The following SEC61A2 variants were observed in gnomAD, a reference collection of about 807,000 sequenced individuals.
SEC61A2 encodes the protein SEC61 translocon subunit alpha 2.
Under a neutral mutation model 59.9 loss-of-function variants are expected in SEC61A2, and 28 were observed. The observed-to-expected ratio is 0.47, with a 90% CI of 0.35 to 0.64. The LOEUF (loss-of-function observed/expected upper bound fraction) is 0.64, where lower values mean the gene tolerates loss of function less well. Ranked by LOEUF, SEC61A2 falls within the 30% of genes least tolerant of loss-of-function variation. The pLI, the probability that SEC61A2 is intolerant of heterozygous loss-of-function variation, is 0.01. For missense variants in SEC61A2, 340 were observed against 585.9 expected (o/e 0.58, Z 4.33); for synonymous variants, 202 against 214.4 (o/e 0.94, Z 0.50).
Position 12,165,202 on chromosome 10 carries a change from T to C in SEC61A2, c.*748T>C. 1.0e-6 allele frequency: 1 copy of C among 985,420 alleles called. No homozygotes were observed. Among genetic ancestry groups the C allele is most frequent in the South Asian group, 4.7e-5 (1 of 21,288 alleles). 61.0% of individuals were successfully genotyped at this position (985,420 alleles called of 1,614,324 possible). ...TCAAGATTCTGGGCCCCGATTCTTT[T>C]CTGTTTAAATCCCTAAAGCAAAGAT... On this transcript the variant is annotated 3_prime_UTR_variant, in exon 12 of 12. Transcript: ENST00000298428.
intron 9 of SEC61A2, among the ~76,000 whole-genome samples, chr10:12,159,103 A>G (rs1026118643): frequency 2.0e-5 from 3 of 149,902 alleles, no homozygotes; most frequent in Non-Finnish European, 3.0e-5. Flanking sequence ...TCAGCCTCCC[A>G]AGTAGCTGGG....
At chr10:12,136,668 T>G (rs543224457) in intron 3 of SEC61A2, among the ~76,000 whole-genome samples, 11 of 152,146 alleles carry the variant, frequency 7.2e-5, no homozygotes, top group Non-Finnish European at 1.2e-4. Context: ...TTCACATTGT[T>G]GCCCAGGCTG....
At chr10:12,141,458 G>A (rs1323129617) in intron 3 of SEC61A2, among the ~76,000 whole-genome samples, 1 of 152,188 alleles carries the variant, frequency 6.6e-6, no homozygotes, top group Non-Finnish European at 1.5e-5. Flanking sequence ...GCCAAGTGCT[G>A]TATCCTAAAT....
At chr10:12,130,172 A>C (rs759185582) in intron 1 of SEC61A2, among the ~76,000 whole-genome samples, 1 of 152,146 alleles carries the variant, frequency 6.6e-6, no homozygotes, top group South Asian at 2.1e-4. Flanking sequence ...TGTTGCATTG[A>C]AGAAAGCTCC....
intron 1 of SEC61A2, among the ~76,000 whole-genome samples, chr10:12,131,348 G>C (rs968210911): frequency 6.6e-6 from 1 of 152,152 alleles, no homozygotes; most frequent in African/African-American, 2.4e-5. Flanking sequence ...AAGCCGCAGA[G>C]CCTAACTAAT....
chr10:12,149,188 T>C lies in SEC61A2; in HGVS notation c.221-407T>C, dbSNP rs6602566. Among the ~76,000 whole-genome samples, 131,362 of 151,994 alleles carry C rather than the reference T, an allele frequency of 0.86. 57,443 individuals are homozygous for C. The highest frequency in any genetic ancestry group is 0.96 in the Middle Eastern group (283 of 294). The stretch of plus-strand genomic sequence containing the variant: ...TACTGCAACCTCTGCCTTCCAGGTT[T>C]AAGCGATTCTCCTGCCTCAGACTCC... On this transcript the variant is annotated intron_variant, in intron 4 of 11. Coordinates refer to ENST00000298428, the MANE Select transcript of SEC61A2 (RefSeq NM_018144.4). The surrounding 1 kb of genome is among the most constrained non-coding windows in gnomAD (Gnocchi z 5.2).
chr10:12,157,819 C>G (rs1834439385), intron 8 of SEC61A2, 89 bp from the exon 9 acceptor site: 1 of 1,250,244 alleles, frequency 8.0e-7, no homozygotes, highest in Non-Finnish European at 1.2e-6. Flanking sequence ...CTTTTCATCC[C>G]CCGCACTGTT....
chr10:12,155,760 G>T lies in SEC61A2; in HGVS notation c.463-18G>T. The T allele has an allele frequency of 6.2e-7, 1 of 1,613,824 alleles. No homozygotes were observed. Among genetic ancestry groups the T allele is most frequent in the Non-Finnish European group, 8.5e-7 (1 of 1,179,748 alleles). ...AGTTTGTTCTTGCTTCCGCTTACTT[G>T]CATTTCTTTCCCCACAGTTGTTTGT... On this transcript the variant is annotated intron_variant, in intron 6 of 11. Transcript: ENST00000298428. The surrounding 1 kb of genome is among the most constrained non-coding windows in gnomAD (Gnocchi z 4.3).
rs561152526 is a variant in SEC61A2 at position 12,149,513 on chromosome 10, G to A, written c.221-82G>A. ...AATTTTCACGTGTGTTTCAGTTGAG[G>A]TAATTAGGGAGTGCGACACCTCTAA... On this transcript the variant is annotated intron_variant, in intron 4 of 11. Transcript: ENST00000298428. The surrounding 1 kb of genome is among the most constrained non-coding windows in gnomAD (Gnocchi z 5.2). The A allele has an allele frequency of 1.4e-5, 19 of 1,331,174 alleles. No individual in the cohort carries two copies. The African/African-American group carries it at 2.5e-4, about 18-fold the overall frequency. 82.5% of individuals were successfully genotyped at this position (1,331,174 alleles called of 1,614,324 possible). A position where few individuals can be genotyped will look rare whatever the true frequency, so the allele number is the denominator to read the frequency against.
In SEC61A2 at chr10:12,145,724, C is replaced by T. The variant is rs1028402652; in HGVS notation, c.220+2529C>T. On this transcript the variant is annotated intron_variant, in intron 4 of 11. Transcript: ENST00000298428. This position sits in a 1 kb window ranked among gnomAD's most constrained non-coding sequence, Gnocchi z 4.4. ...TCACGCTCGTGTGTGAGATGTGCCTCTCTCCAGCCTTGTTAGGATGTTGGA... is the reference window on the plus strand; with the variant it reads ...TCACGCTCGTGTGTGAGATGTGCCTTTCTCCAGCCTTGTTAGGATGTTGGA... Among the ~76,000 whole-genome samples, 2 of 152,196 alleles carry T rather than the reference C, an allele frequency of 1.3e-5. No individual in the cohort carries two copies. The highest frequency in any genetic ancestry group is 2.9e-5 in the Non-Finnish European group (2 of 68,040).
downstream of SEC61A2, chr10:12,169,387 C>T (rs74455383): frequency 1.6e-3 from 1,888 of 1,156,398 alleles, 19 homozygotes; most frequent in African/African-American, 0.027. The surrounding 1 kb of genome is among the most constrained non-coding windows in gnomAD (Gnocchi z 4.8). Flanking sequence ...CACGCACCTC[C>T]TCAGAGGGAG....
Position 12,162,001 on chromosome 10 carries a change from G to GT in SEC61A2, c.1168-210dup, listed in dbSNP as rs1264981394. ...AATCTTGTTTGGTAATTGAAGAAGGGTTGAGAAGCACCGGTTTCATATGGG... is the reference window on the plus strand; with the variant it reads ...AATCTTGTTTGGTAATTGAAGAAGGGTTTGAGAAGCACCGGTTTCATATGGG... On this transcript the variant is annotated intron_variant, in intron 10 of 11. Transcript: ENST00000298428. This position sits in a 1 kb window ranked among gnomAD's most constrained non-coding sequence, Gnocchi z 6.1. Among the ~76,000 whole-genome samples the GT allele has an allele frequency of 1.3e-5, 2 of 152,118 alleles. No individual in the cohort carries two copies. The highest frequency in any genetic ancestry group is 2.4e-5 in the African/African-American group (1 of 41,428).
In SEC61A2 at chr10:12,129,879, G is replaced by C. The variant is rs867611737; in HGVS notation, c.7+85G>C. 1 of 1,203,076 alleles carries C rather than the reference G, an allele frequency of 8.3e-7. No individual in the cohort carries two copies. Among genetic ancestry groups the C allele is most frequent in the East Asian group, 3.2e-5 (1 of 30,856 alleles). 74.5% of individuals were successfully genotyped at this position (1,203,076 alleles called of 1,614,324 possible). On this transcript the variant is annotated intron_variant, in intron 1 of 11. Transcript: ENST00000298428. The surrounding 1 kb of genome is among the most constrained non-coding windows in gnomAD (Gnocchi z 5.6). Reference sequence around the variant, plus strand: ...CGGGCGGTGGGGCTGGCGCTCGCTCGGAGTCGTGGGGGCCAGGGATGCGCG... The same window carrying C: ...CGGGCGGTGGGGCTGGCGCTCGCTCCGAGTCGTGGGGGCCAGGGATGCGCG...
chr10:12,166,570 C>T (rs1201544031), downstream of SEC61A2: 1 of 334,214 alleles, frequency 3.0e-6, no homozygotes, highest in Admixed American at 4.1e-5. Context: ...CTGCAGCATT[C>T]TGGCATTAGC....
rs1834067423 is a variant in SEC61A2, at chr10:12,143,453, G to A, written c.220+258G>A. On this transcript the variant is annotated intron_variant, in intron 4 of 11. Coordinates refer to ENST00000298428, the MANE Select transcript of SEC61A2 (RefSeq NM_018144.4). The surrounding 1 kb of genome is among the most constrained non-coding windows in gnomAD (Gnocchi z 4.8). ...CAGATAACATTGGAATTGGAGTCCA[G>A]GTGGGGCGCCGTGGCTCACCCCTGT... is the stretch of plus-strand genomic sequence containing the variant. Among the ~76,000 whole-genome samples the A allele has an allele frequency of 6.6e-6, 1 of 152,184 alleles. No individual in the cohort carries two copies. Among genetic ancestry groups the A allele is most frequent in the African/African-American group, 2.4e-5 (1 of 41,442 alleles).
At chr10:12,147,772 T>G (rs976039903) in intron 4 of SEC61A2, among the ~76,000 whole-genome samples, 1 of 152,080 alleles carries the variant, frequency 6.6e-6, no homozygotes, top group African/African-American at 2.4e-5. Context: ...TTTAATTTCC[T>G]AAAAATGGCC....
At chr10:12,138,945 T>C (rs1833947147) in intron 3 of SEC61A2, among the ~76,000 whole-genome samples, 2 of 148,164 alleles carry the variant, frequency 1.3e-5, no homozygotes, top group South Asian at 4.2e-4. Flanking sequence ...TCCAAGTGGT[T>C]GCCCCATTTT....
chr10:12,164,637 A>G lies in SEC61A2; in HGVS notation c.*183A>G. ...GTGCAGCATTAGTACCCGCTGCCTTAAAACTCAAGTTTACATTATTCATTA... is the reference window on the plus strand; with the variant it reads ...GTGCAGCATTAGTACCCGCTGCCTTGAAACTCAAGTTTACATTATTCATTA... On this transcript the variant is annotated 3_prime_UTR_variant, in exon 12 of 12. Coordinates refer to ENST00000298428, the MANE Select transcript of SEC61A2 (RefSeq NM_018144.4). This position sits in a 1 kb window ranked among gnomAD's most constrained non-coding sequence, Gnocchi z 7.3. 1 of 1,392,784 alleles carries G rather than the reference A, an allele frequency of 7.2e-7. No homozygotes were observed. The highest frequency in any genetic ancestry group is 9.3e-7 in the Non-Finnish European group (1 of 1,080,724). 86.3% of individuals were successfully genotyped at this position (1,392,784 alleles called of 1,614,324 possible).
intron 8 of SEC61A2, among the ~76,000 whole-genome samples, chr10:12,157,603 A>G (rs528096082): frequency 6.6e-6 from 1 of 151,642 alleles, no homozygotes; most frequent in East Asian, 1.9e-4. Flanking sequence ...CCTGGGTTCA[A>G]GCGATTCTCC....
Sources: gnomAD v4.1 joint callset for allele counts (sites outside exome capture counted in the v4.1 genomes callset) on GRCh38, gnomAD v4.1.1 for gene constraint, Gnocchi (gnomAD v3.1) non-coding constraint, MANE v1.5 for transcripts, NCBI Gene and HGNC (gene_info 2026-07-23, HGNC 2026-07-21) for gene names.